The following B3GALNT2 variants were observed in gnomAD, a reference collection of about 807,000 sequenced individuals.
The protein encoded by B3GALNT2 is UDP-GalNAc:beta-1,3-N-acetylgalactosaminyltransferase 2.
A neutral mutation model predicts 61.1 loss-of-function variants in B3GALNT2; 53 were observed. That is an observed-to-expected ratio of 0.87 (90% CI 0.70 to 1.09). The LOEUF is 1.09. B3GALNT2 is among the 50% of genes least tolerant of loss of function. The pLI is 0.00. For synonymous variants in B3GALNT2, 223 were observed against 237.4 expected (o/e 0.94, Z 0.56); for missense variants, 544 against 623.0 (o/e 0.87, Z 1.35).
downstream of B3GALNT2, chr1:235,442,904 A>G: frequency 6.2e-7 from 1 of 1,614,134 alleles, no homozygotes; most frequent in Non-Finnish European, 8.5e-7. Context: ...TGGAGAAACA[A>G]CTGCCGGGTA....
At chr1:235,442,460 G>A (rs745861250), downstream of B3GALNT2, among the ~76,000 whole-genome samples, 8 of 151,854 alleles carry the variant, frequency 5.3e-5, no homozygotes, top group South Asian at 8.3e-4. Flanking sequence ...ATGAGCTACC[G>A]CGCCCTGTCA....
chr1:235,458,178 C>A lies in B3GALNT2; in HGVS notation c.1025+425G>T, dbSNP rs144030145. Among the ~76,000 whole-genome samples, 1,115 of 152,128 alleles carry A rather than the reference C, an allele frequency of 7.3e-3. 6 individuals carry two copies. The highest frequency in any genetic ancestry group is 8.7e-3 in the Non-Finnish European group (593 of 68,000). On this transcript the variant is annotated intron_variant, in intron 8 of 11. Coordinates refer to ENST00000366600, the MANE Select transcript of B3GALNT2 (RefSeq NM_152490.5). ...CTGCCTTGGCTTCCCAAAGTGCTGC[C>A]GGCAGGCATAAGCCACCAGCCAATT...
At chr1:235,496,666 C>T (rs930714444) in intron 1 of B3GALNT2, among the ~76,000 whole-genome samples, 3 of 151,810 alleles carry the variant, frequency 2.0e-5, no homozygotes, top group African/African-American at 7.3e-5. Flanking sequence ...CTGCCTCAGC[C>T]TCCTGAGTAG....
chr1:235,476,212 C>T (rs1684271958), intron 5 of B3GALNT2, among the ~76,000 whole-genome samples: 1 of 151,430 alleles, frequency 6.6e-6, no homozygotes, highest in African/African-American at 2.4e-5. Flanking sequence ...GAGATCAAGA[C>T]CATCCTGGCT....
At chr1:235,452,949 G>A (rs563780304) in intron 11 of B3GALNT2, 141 bp downstream of exon 11, 1 of 701,872 alleles carries the variant, frequency 1.4e-6, no homozygotes, top group Non-Finnish European at 2.5e-6. Flanking sequence ...TAAGTATAAT[G>A]CAATTATTCT....
intron 1 of B3GALNT2, among the ~76,000 whole-genome samples, chr1:235,502,986 T>C (rs551049070): frequency 6.6e-6 from 1 of 152,376 alleles, no homozygotes; most frequent in South Asian, 2.1e-4. Context: ...AGTGTTTAAT[T>C]CTATTCAGGT....
chr1:235,461,039 G>A (rs1021409516), intron 7 of B3GALNT2, among the ~76,000 whole-genome samples: 1 of 152,138 alleles, frequency 6.6e-6, no homozygotes, highest in African/African-American at 2.4e-5. Flanking sequence ...GGAGACGTCA[G>A]GATTTCCTAA....
At chr1:235,465,765 T>C (rs770409438) in intron 6 of B3GALNT2, 51 bp from the exon 7 acceptor site, 82 of 1,585,148 alleles carry the variant, frequency 5.2e-5, no homozygotes, top group Admixed American at 3.6e-4. Flanking sequence ...AATACACTGA[T>C]CATATTTTAA....
intron 1 of B3GALNT2, among the ~76,000 whole-genome samples, chr1:235,502,443 A>G (rs1685625022): frequency 6.6e-6 from 1 of 152,166 alleles, no homozygotes; most frequent in African/African-American, 2.4e-5. Flanking sequence ...AAAAAATCCC[A>G]TTTATTATCT....
At chr1:235,473,585 G>A (rs191312263) in intron 5 of B3GALNT2, among the ~76,000 whole-genome samples, 1 of 152,320 alleles carries the variant, frequency 6.6e-6, no homozygotes, top group East Asian at 1.9e-4. Context: ...AGAAGTTCAG[G>A]AGGCAACTCA....
the B3GALNT2 span, among the ~76,000 whole-genome samples, chr1:235,439,805 CT>C: frequency 1.6e-4 from 24 of 150,324 alleles, no homozygotes; most frequent in African/African-American, 4.6e-4. Flanking sequence ...ATTTCTTTTT[CT>C]TTTTTTTTCT....
At chr1:235,500,888 G>A (rs1395812130) in intron 1 of B3GALNT2, among the ~76,000 whole-genome samples, 1 of 152,122 alleles carries the variant, frequency 6.6e-6, no homozygotes, top group African/African-American at 2.4e-5. Flanking sequence ...AGCATATAGG[G>A]ATAATTTTGG....
At chr1:235,446,267 C>T (rs1682277351), downstream of B3GALNT2, among the ~76,000 whole-genome samples, 1 of 152,048 alleles carries the variant, frequency 6.6e-6, no homozygotes, top group Admixed American at 6.6e-5. Context: ...ACTCTGCCTT[C>T]CGGGTTCAAG....
In B3GALNT2 at chr1:235,461,916, G is replaced by A. The variant is rs1683454155; in HGVS notation, c.842-3130C>T. Among the ~76,000 whole-genome samples the A allele has an allele frequency of 3.9e-5, 6 of 152,276 alleles. No homozygotes were observed. In the South Asian group the frequency reaches 1.2e-3, roughly 32 times the overall value. On this transcript the variant is annotated intron_variant, in intron 7 of 11. Coordinates refer to ENST00000366600, the MANE Select transcript of B3GALNT2 (RefSeq NM_152490.5). ...CTTTGAGTACATATGCAACCATTCTGTTTCTCATGTGACTACAGTCTTGTG... is the reference window on the plus strand; with the variant it reads ...CTTTGAGTACATATGCAACCATTCTATTTCTCATGTGACTACAGTCTTGTG...
chr1:235,453,794 C>T (rs1445609304), intron 10 of B3GALNT2, among the ~76,000 whole-genome samples: 1 of 151,948 alleles, frequency 6.6e-6, no homozygotes, highest in Non-Finnish European at 1.5e-5. Flanking sequence ...AATAAGTAGG[C>T]TCAAAAAAGA....
intron 7 of B3GALNT2, chr1:235,463,621 T>C (rs937562784): frequency 1.4e-5 from 2 of 143,972 alleles, no homozygotes; most frequent in Non-Finnish European, 3.0e-5. Context: ...CAGGATGAAA[T>C]GCAGTGGCAA....
chr1:235,491,084 T>TA (rs34246434), intron 2 of B3GALNT2, among the ~76,000 whole-genome samples: 37,567 of 138,830 alleles, frequency 0.27, 6,247 homozygotes, highest in Non-Finnish European at 0.39. Context: ...AGTGAATAGT[T>TA]AAAAAAAAAA....
intron 7 of B3GALNT2, among the ~76,000 whole-genome samples, chr1:235,459,049 T>C (rs1482844241): frequency 6.6e-6 from 1 of 152,040 alleles, no homozygotes; most frequent in Admixed American, 6.6e-5. Context: ...CACTTGTAGA[T>C]ATATCCCTAC....
Position 235,448,987 on chromosome 1 carries a change from T to C in B3GALNT2, c.*1219A>G. The C allele has an allele frequency of 2.2e-6, 1 of 458,384 alleles. No individual in the cohort carries two copies. Among genetic ancestry groups the C allele is most frequent in the Non-Finnish European group, 4.0e-6 (1 of 249,060 alleles). 28.4% of individuals were successfully genotyped at this position (458,384 alleles called of 1,614,324 possible). On this transcript the variant is annotated 3_prime_UTR_variant, in exon 12 of 12. Transcript: ENST00000366600. ...CTACTAATGATTTTCTGATCTTATTTCATATTTATTTTTACAGCTCATCAC... is the reference window on the plus strand; with the variant it reads ...CTACTAATGATTTTCTGATCTTATTCCATATTTATTTTTACAGCTCATCAC...
Sources: allele counts gnomAD v4.1 joint callset (sites outside exome capture counted in the v4.1 genomes callset), GRCh38; gene constraint gnomAD v4.1.1; transcripts MANE v1.5; gene names NCBI Gene and HGNC (gene_info 2026-07-23, HGNC 2026-07-21).